The following RGL1 variants were observed in gnomAD, a reference collection of about 807,000 sequenced individuals.
RGL1 encodes the protein ral guanine nucleotide dissociation stimulator-like 1.
A neutral mutation model predicts 95.2 loss-of-function variants in RGL1; 24 were observed. That is an observed-to-expected ratio of 0.25 (90% CI 0.18 to 0.35). The LOEUF is 0.35. Among genes scored for constraint, RGL1 ranks in the 10% least tolerant of loss-of-function variants. The pLI, the probability that RGL1 is intolerant of heterozygous loss-of-function variation, is 1.00. For synonymous variants in RGL1, 329 were observed against 344.9 expected, an observed-to-expected ratio of 0.95 and a Z score of 0.51; for missense variants, 715 against 936.3, an observed-to-expected ratio of 0.76 and a Z score of 3.08.
chr1:183,677,529 T>C (rs1302031766), intron 1 of RGL1, among the ~76,000 whole-genome samples: 2 of 152,182 alleles, frequency 1.3e-5, no homozygotes, highest in Non-Finnish European at 2.9e-5. Flanking sequence ...CAATTTCATG[T>C]TATTTTCAAG....
At chr1:183,760,920 A>G (rs1572380640) in intron 2 of RGL1, among the ~76,000 whole-genome samples, 1 of 152,184 alleles carries the variant, frequency 6.6e-6, no homozygotes, top group Non-Finnish European at 1.5e-5. Context: ...TTGCTTATCT[A>G]TAAGAAGTCA....
At chr1:183,819,305 GT>G (rs777073843) in intron 2 of RGL1, among the ~76,000 whole-genome samples, 3 of 152,210 alleles carry the variant, frequency 2.0e-5, no homozygotes, top group Non-Finnish European at 4.4e-5. Context: ...TGAGATTTAT[GT>G]TGCAGGCTTG....
intron 4 of RGL1, among the ~76,000 whole-genome samples, chr1:183,874,471 C>T (rs1158698997): frequency 6.6e-6 from 1 of 152,048 alleles, no homozygotes; most frequent in Non-Finnish European, 1.5e-5. Flanking sequence ...TGTATGTCTT[C>T]CTTTCATAAT....
chr1:183,820,292 A>G (rs1471179885), intron 2 of RGL1, among the ~76,000 whole-genome samples: 2 of 152,150 alleles, frequency 1.3e-5, no homozygotes, highest in Non-Finnish European at 2.9e-5. Context: ...GTTACTTTCT[A>G]ATTTGAATCG....
rs995076696 is a variant in RGL1, at chr1:183,724,982, C to T, written c.-32-17144C>T. Among the ~76,000 whole-genome samples the T allele has an allele frequency of 6.6e-6, 1 of 151,364 alleles. No homozygotes were observed. Among genetic ancestry groups the T allele is most frequent in the Non-Finnish European group, 1.5e-5 (1 of 67,852 alleles). ...GCACCACAACACACACACACACACA[C>T]GGAGGGAAGAGGAGGAGGAGGAGAG... On this transcript the variant is annotated intron_variant, in intron 1 of 18. Coordinates refer to the RGL1 transcript ENST00000304685. The surrounding 1 kb of genome is among the most constrained non-coding windows in gnomAD (Gnocchi z 4.1).
intron 2 of RGL1, among the ~76,000 whole-genome samples, chr1:183,823,939 A>G (rs1412543621): frequency 6.6e-6 from 1 of 152,118 alleles, no homozygotes; most frequent in East Asian, 1.9e-4. Flanking sequence ...GGCCTATGCA[A>G]TCCCCCATGG....
At chr1:183,648,901 G>A in intron 1 of RGL1, 3 of 783,098 alleles carry the variant, frequency 3.8e-6, no homozygotes, top group Non-Finnish European at 6.1e-6. Flanking sequence ...TTCTTTAAAG[G>A]AAGTAGCACA....
intron 3 of RGL1, among the ~76,000 whole-genome samples, chr1:183,863,401 TC>T (rs1163249795): frequency 6.6e-6 from 1 of 152,078 alleles, no homozygotes; most frequent in Non-Finnish European, 1.5e-5. Flanking sequence ...ACTCCTGGGC[TC>T]AGGAGATCCT....
chr1:183,798,756 A>G (rs988300440), intron 2 of RGL1, among the ~76,000 whole-genome samples: 1 of 149,598 alleles, frequency 6.7e-6, no homozygotes, highest in Non-Finnish European at 1.5e-5. Flanking sequence ...CTCTGCTTCT[A>G]TGAGTTCGAC....
chr1:183,639,641 A>G (rs79746696), intron 1 of RGL1, among the ~76,000 whole-genome samples: 10,329 of 151,790 alleles, frequency 0.068, 613 homozygotes, highest in African/African-American at 0.16. Flanking sequence ...ATTACACATT[A>G]AAGTGGAATA....
chr1:183,896,099 A>G (rs1558279063), intron 9 of RGL1, among the ~76,000 whole-genome samples: 1 of 152,208 alleles, frequency 6.6e-6, no homozygotes, highest in Non-Finnish European at 1.5e-5. Context: ...GGACCTACAC[A>G]CCGGAAAGAG....
chr1:183,909,304 G>C (rs1409261288), intron 14 of RGL1, among the ~76,000 whole-genome samples: 1 of 152,228 alleles, frequency 6.6e-6, no homozygotes, highest in Non-Finnish European at 1.5e-5. Flanking sequence ...AGAGGTTGGA[G>C]AAAACTTTGG....
chr1:183,805,023 G>A, upstream of RGL1: 1 of 340,496 alleles, frequency 2.9e-6, no homozygotes, highest in Non-Finnish European at 5.3e-6. Context: ...GAAAGGGAGA[G>A]TGTGCTCACA....
intron 1 of RGL1, among the ~76,000 whole-genome samples, chr1:183,708,408 G>A (rs1468184845): frequency 6.6e-6 from 1 of 152,172 alleles, no homozygotes; most frequent in Non-Finnish European, 1.5e-5. Flanking sequence ...ATTTCCAGAA[G>A]ACCCTACCTC....
chr1:183,711,095 ATT>A (rs1453690907), intron 1 of RGL1, among the ~76,000 whole-genome samples: 2 of 152,134 alleles, frequency 1.3e-5, no homozygotes, highest in Non-Finnish European at 2.9e-5. Flanking sequence ...ACAACCTGTT[ATT>A]GAGTCAGCCC....
Position 183,719,905 on chromosome 1 carries a change from C to CA in RGL1, c.-32-22213dup, listed in dbSNP as rs1300914443. ...TAGGCAACAAAGTGAGACTCCATCT[C>CA]AAAAAAAATGAAAAAAAAATTGCAA... On this transcript the variant is annotated intron_variant, in intron 1 of 18. Coordinates refer to the RGL1 transcript ENST00000304685. 4.7e-5 allele frequency among the ~76,000 whole-genome samples: 7 copies of CA among 149,658 alleles called. No homozygotes were observed. In the South Asian group the frequency reaches 8.4e-4, roughly 18 times the overall value.
intron 1 of RGL1, among the ~76,000 whole-genome samples, chr1:183,733,424 G>C (rs1202841527): frequency 6.6e-6 from 1 of 152,106 alleles, no homozygotes; most frequent in East Asian, 1.9e-4. Context: ...ATCTCTAGTG[G>C]TTTCCCCTTG....
At chr1:183,911,812 C>G (rs1173201148) in intron 14 of RGL1, among the ~76,000 whole-genome samples, 2 of 152,186 alleles carry the variant, frequency 1.3e-5, no homozygotes, top group Non-Finnish European at 2.9e-5. Flanking sequence ...GGTCCATAGA[C>G]TGTTAAAATG....
chr1:183,907,430 C>G (rs544962379), intron 14 of RGL1, among the ~76,000 whole-genome samples: 5 of 152,288 alleles, frequency 3.3e-5, no homozygotes, highest in African/African-American at 1.2e-4. Context: ...ATGTTGCTTC[C>G]TGTATAAAAA....
Sources: gnomAD v4.1 joint callset for allele counts (sites outside exome capture counted in the v4.1 genomes callset) on GRCh38, gnomAD v4.1.1 for gene constraint, Gnocchi (gnomAD v3.1) non-coding constraint, MANE v1.5 for transcripts, NCBI Gene and HGNC (gene_info 2026-07-23, HGNC 2026-07-21) for gene names.